TMEM196: variants seen among roughly 807,000 people sequenced by gnomAD.
The protein encoded by TMEM196 is transmembrane protein 196.
A neutral mutation model predicts 20.0 loss-of-function variants in TMEM196; 17 were observed. The ratio of observed to expected loss-of-function variants is 0.85; its 90% CI spans 0.58 to 1.27. TMEM196 has a LOEUF of 1.27. Ranked by LOEUF, TMEM196 falls within the 50% of genes most tolerant of loss-of-function variation. The pLI is 0.00. For missense variants in TMEM196, 267 were observed against 223.0 expected (o/e 1.20, Z -1.26); for synonymous variants, 113 against 88.9 (o/e 1.27, Z -1.52).
At chr7:19,722,909 G>A (rs1341419415) in intron 4 of TMEM196, among the ~76,000 whole-genome samples, 4 of 151,880 alleles carry the variant, frequency 2.6e-5, no homozygotes, top group Non-Finnish European at 4.4e-5. Context: ...AGGATATGAA[G>A]CCCATTCATA....
chr7:19,773,211 A>T lies in TMEM196; in HGVS notation c.-515T>A, dbSNP rs1159265828. The T allele has an allele frequency of 1.3e-5, 2 of 152,156 alleles. No individual in the cohort carries two copies. The highest frequency in any genetic ancestry group is 2.9e-5 in the Non-Finnish European group (2 of 68,288). 9.4% of individuals were successfully genotyped at this position (152,156 alleles called of 1,614,324 possible). On this transcript the variant is annotated 5_prime_UTR_variant, in exon 1 of 5. Coordinates refer to ENST00000405844, the MANE Select transcript of TMEM196 (RefSeq NM_001363562.2). ...TTTCTCTCTCCCTCTCCCGTTCGTC[A>T]CCTCTCCTTTGTTTTCGTGGCAATG...
chr7:19,770,155 T>G (rs1785811204), intron 1 of TMEM196, among the ~76,000 whole-genome samples: 2 of 152,210 alleles, frequency 1.3e-5, no homozygotes, highest in Non-Finnish European at 2.9e-5. Flanking sequence ...TTCATGGATA[T>G]TTCATTGACC....
chr7:19,752,653 C>T (rs1225592295), intron 1 of TMEM196, among the ~76,000 whole-genome samples: 2 of 151,532 alleles, frequency 1.3e-5, no homozygotes, highest in African/African-American at 4.9e-5. Context: ...CTCGCTCTGT[C>T]ACCCAGGCTG....
At chr7:19,758,694 T>C (rs1785312526) in intron 1 of TMEM196, among the ~76,000 whole-genome samples, 1 of 152,240 alleles carries the variant, frequency 6.6e-6, no homozygotes, top group South Asian at 2.1e-4. Flanking sequence ...GAAAACATTT[T>C]AATGATGCTT....
chr7:19,746,400 AC>A (rs1784751185), intron 1 of TMEM196, among the ~76,000 whole-genome samples: 1 of 152,218 alleles, frequency 6.6e-6, no homozygotes, highest in Non-Finnish European at 1.5e-5. Context: ...ATTGTAATTT[AC>A]CACGTGGCTA....
At chr7:19,724,106 G>A (rs1290951867) in intron 4 of TMEM196, among the ~76,000 whole-genome samples, 174 bp downstream of exon 4, 4 of 152,090 alleles carry the variant, frequency 2.6e-5, no homozygotes, top group Non-Finnish European at 5.9e-5. Context: ...GCAAGACTCG[G>A]CCATGTAGGT....
chr7:19,724,154 A>G (rs1783906652), intron 4 of TMEM196, 126 bp downstream of exon 4: 5 of 845,392 alleles, frequency 5.9e-6, no homozygotes, highest in Non-Finnish European at 9.3e-6. Context: ...TACGAAAGCG[A>G]TACTTTGAGA....
intron 1 of TMEM196, among the ~76,000 whole-genome samples, chr7:19,736,105 C>T (rs1583427606): frequency 1.3e-5 from 2 of 151,840 alleles, no homozygotes; most frequent in East Asian, 3.9e-4. Flanking sequence ...TATTTTGAGA[C>T]CACTAGTTCT....
chr7:19,748,671 C>T (rs755494393), intron 1 of TMEM196, among the ~76,000 whole-genome samples: 49 of 152,140 alleles, frequency 3.2e-4, no homozygotes, highest in Non-Finnish European at 5.4e-4. Context: ...GAATGCTGAA[C>T]TCTCCAACGT....
At chr7:19,769,142 A>G (rs889342292) in intron 1 of TMEM196, among the ~76,000 whole-genome samples, 3 of 152,144 alleles carry the variant, frequency 2.0e-5, no homozygotes, top group African/African-American at 7.2e-5. Context: ...TAATCAAAAT[A>G]TAGTTTGATT....
chr7:19,729,256 G>GTTTT (rs11401553), intron 2 of TMEM196, 126 bp downstream of exon 2: 821 of 434,744 alleles, frequency 1.9e-3, no homozygotes, highest in South Asian at 8.9e-3. Flanking sequence ...TTATTTGTCA[G>GTTTT]TTTTTTTTTT....
chr7:19,755,236 A>G (rs1785158674), intron 1 of TMEM196, among the ~76,000 whole-genome samples: 1 of 152,220 alleles, frequency 6.6e-6, no homozygotes, highest in African/African-American at 2.4e-5. Flanking sequence ...TGATGCCCTG[A>G]TCATACTTTT....
rs965705913 is a variant in TMEM196, at chr7:19,725,587, G to T, written c.386C>A (p.Ala129Asp). The T allele has an allele frequency of 5.0e-6, 8 of 1,614,056 alleles. No homozygotes were observed. Among genetic ancestry groups the T allele is most frequent in the Non-Finnish European group, 6.8e-6 (8 of 1,179,986 alleles). ...GAACATCCTCCTCTGTTCATAACTGGCTAGTCGACAAGTGAGCCAGGAAGA... is the reference window on the plus strand; with the variant it reads ...GAACATCCTCCTCTGTTCATAACTGTCTAGTCGACAAGTGAGCCAGGAAGA... ...TLSSWLTCRL[A>D]SYEQRRMFSE... The change falls in exon 3 of 5, where the codon GCC (alanine) becomes GAC (aspartate). Residue 129 changes from alanine to aspartate, a missense_variant. Coordinates refer to ENST00000405844, the MANE Select transcript of TMEM196 (RefSeq NM_001363562.2).
chr7:19,726,712 TG>T (rs1784012960), intron 2 of TMEM196, among the ~76,000 whole-genome samples: 1 of 152,210 alleles, frequency 6.6e-6, no homozygotes, highest in Non-Finnish European at 1.5e-5. Flanking sequence ...AAGTACTTTG[TG>T]AATATTTAAT....
intron 1 of TMEM196, among the ~76,000 whole-genome samples, chr7:19,768,361 T>A (rs922020381): frequency 6.6e-6 from 1 of 152,114 alleles, no homozygotes; most frequent in African/African-American, 2.4e-5. Flanking sequence ...TCATATTTTG[T>A]TCTGGATACC....
chr7:19,766,625 G>T (rs1785639146), intron 1 of TMEM196, among the ~76,000 whole-genome samples: 1 of 151,164 alleles, frequency 6.6e-6, no homozygotes. Flanking sequence ...AATGAAATTT[G>T]GATCACTTCA....
At position 19,729,452 on chromosome 7, in the gene TMEM196, G is replaced by C; in HGVS notation, c.148-14C>G. On this transcript the variant is annotated splice_polypyrimidine_tract_variant and intron_variant, in intron 1 of 4. Coordinates refer to ENST00000405844, the MANE Select transcript of TMEM196 (RefSeq NM_001363562.2). The stretch of plus-strand genomic sequence containing the variant: ...ACAAAGAAGAAACTGAAAAGGAAAA[G>C]AAGAACAATTACTCCTTATCCAAAG... 3 of 1,549,316 alleles carry C rather than the reference G, an allele frequency of 1.9e-6. No homozygotes were observed. Among genetic ancestry groups the C allele is most frequent in the Non-Finnish European group, 2.6e-6 (3 of 1,146,418 alleles).
At chr7:19,723,267 C>G (rs1028560251) in intron 4 of TMEM196, among the ~76,000 whole-genome samples, 1 of 151,756 alleles carries the variant, frequency 6.6e-6, no homozygotes, top group African/African-American at 2.4e-5. Flanking sequence ...TAGAATCACC[C>G]CCCACCCCCA....
intron 1 of TMEM196, among the ~76,000 whole-genome samples, chr7:19,745,677 C>A (rs1784725146): frequency 6.7e-6 from 1 of 148,984 alleles, no homozygotes; most frequent in Admixed American, 6.8e-5. Flanking sequence ...AAGCACGAAT[C>A]TTCTTCCTGG....
Sources: allele counts gnomAD v4.1 joint callset (sites outside exome capture counted in the v4.1 genomes callset), GRCh38; gene constraint gnomAD v4.1.1; transcripts MANE v1.5; gene names NCBI Gene and HGNC (gene_info 2026-07-23, HGNC 2026-07-21).